The following PCLO variants were observed in gnomAD, a reference collection of about 807,000 sequenced individuals.
The protein encoded by PCLO is piccolo presynaptic cytomatrix protein.
Under a neutral mutation model 427.5 loss-of-function variants are expected in PCLO, and 82 were observed. That is an observed-to-expected ratio of 0.19 (90% confidence interval 0.16 to 0.23). PCLO has a LOEUF of 0.23. Ranked by LOEUF, PCLO falls within the 10% of genes least tolerant of loss-of-function variation. The pLI, the probability that PCLO is intolerant of heterozygous loss-of-function variation, is 1.00. For synonymous variants in PCLO, 2,357 were observed against 2,155.4 expected, an observed-to-expected ratio of 1.09 and a Z score of -2.59; for missense variants, 6,239 against 6,115.9, an observed-to-expected ratio of 1.02 and a Z score of -0.67.
At chr7:82,987,006 G>A (rs1425424509) in intron 3 of PCLO, among the ~76,000 whole-genome samples, 1 of 151,840 alleles carries the variant, frequency 6.6e-6, no homozygotes, top group Non-Finnish European at 1.5e-5. Flanking sequence ...ACCAAAACAG[G>A]TGAACTATTA....
chr7:83,043,912 C>CTTTTTTTTTTTTT lies in PCLO; in HGVS notation c.3301-77438_3301-77426dup, dbSNP rs869061778. 3.0e-3 allele frequency among the ~76,000 whole-genome samples: 289 copies of CTTTTTTTTTTTTT among 94,858 alleles called. 5 individuals carry two copies. The highest frequency in any genetic ancestry group is 0.01 in the East Asian group (24 of 2,352). The allele number at this position is 94,858 out of a possible 152,430, so 62.2% of individuals were successfully genotyped here. A position where few individuals can be genotyped will look rare whatever the true frequency, so the allele number is the denominator to read the frequency against. ...AACTCAATCTTATTACTATTATTTT[C>CTTTTTTTTTTTTT]TTTTTTTTTTTTTTTTTTTTTTTGC... On this transcript the variant is annotated intron_variant, in intron 3 of 24. Transcript: ENST00000333891.
rs1247858284 is a variant in PCLO at position 82,916,058 on chromosome 7, T to G, written c.11928A>C (p.Ser3976=). 1 of 1,613,310 alleles carries G rather than the reference T, an allele frequency of 6.2e-7. No homozygotes were observed. The highest frequency in any genetic ancestry group is 8.5e-7 in the Non-Finnish European group (1 of 1,179,736). The change falls in exon 7 of 25, where the codon TCA becomes TCC. Residue 3976 remains serine (S), a synonymous_variant. Transcript: ENST00000333891. ...GTTGGTTGCGAATCACTTCATAGTTTGAGGTTATCTTGGGCTCCAAATATA... is the reference window on the plus strand; with the variant it reads ...GTTGGTTGCGAATCACTTCATAGTTGGAGGTTATCTTGGGCTCCAAATATA... The part of the protein sequence containing the change: ...TTLYLEPKIT[S]NYEVIRNQPL...
intron 8 of PCLO, among the ~76,000 whole-genome samples, chr7:82,905,340 GAAGA>G (rs1401867443): frequency 6.6e-6 from 1 of 151,968 alleles, no homozygotes; most frequent in African/African-American, 2.4e-5. Context: ...TTCACACACG[GAAGA>G]CAGATAGCCT....
intron 3 of PCLO, among the ~76,000 whole-genome samples, chr7:82,988,397 T>C (rs1268831508): frequency 6.6e-6 from 1 of 152,136 alleles, no homozygotes; most frequent in Non-Finnish European, 1.5e-5. Context: ...TAATCAGATA[T>C]AAACTTATAA....
At chr7:83,065,498 T>TAAAAAAAA (rs780514400) in intron 3 of PCLO, among the ~76,000 whole-genome samples, 1 of 104,168 alleles carries the variant, frequency 9.6e-6, no homozygotes, top group Admixed American at 9.9e-5. Context: ...GCTCAAAATG[T>TAAAAAAAA]AAAAAAAAAA....
rs528261762 is a variant in PCLO at position 83,019,930 on chromosome 7, G to A, written c.3301-53443C>T. Among the ~76,000 whole-genome samples, 21 of 152,218 alleles carry A rather than the reference G, an allele frequency of 1.4e-4. No individual in the cohort carries two copies. The South Asian group carries it at 4.3e-3, about 32-fold the overall frequency. On this transcript the variant is annotated intron_variant, in intron 3 of 24. Coordinates refer to ENST00000333891, the MANE Select transcript of PCLO (RefSeq NM_033026.6). ...GAAGCACCTGAGTACAACTCTTCAA[G>A]CATTTCAAAGTCACTCTCTTAGTTA... is the stretch of plus-strand genomic sequence containing the variant.
At chr7:82,908,586 G>A (rs1794247317) in intron 8 of PCLO, among the ~76,000 whole-genome samples, 1 of 152,014 alleles carries the variant, frequency 6.6e-6, no homozygotes. Flanking sequence ...AGCTCTCAGA[G>A]CTCCATCTAT....
At chr7:83,139,520 A>G (rs968999359) in intron 2 of PCLO, among the ~76,000 whole-genome samples, 2 of 152,194 alleles carry the variant, frequency 1.3e-5, no homozygotes, top group African/African-American at 4.8e-5. Context: ...CCAAAATCAA[A>G]TGATTCACTG....
intron 3 of PCLO, 82 bp downstream of exon 3, chr7:83,134,168 T>C: frequency 2.5e-6 from 1 of 399,006 alleles, no homozygotes; most frequent in Non-Finnish European, 4.0e-6. Context: ...GCTCAGATAT[T>C]TGGCCACCCA....
rs1423934393 is a variant in PCLO, at chr7:82,894,545, A to AAC, written c.13528+8104_13528+8105dup. 2.0e-4 allele frequency: 31 copies of AAC among 152,162 alleles called. 1 individual carries two copies. The highest frequency in any genetic ancestry group is 7.2e-4 in the African/African-American group (30 of 41,436). 9.4% of individuals were successfully genotyped at this position (152,162 alleles called of 1,614,324 possible). A position where few individuals can be genotyped will look rare whatever the true frequency, so the allele number is the denominator to read the frequency against. On this transcript the variant is annotated intron_variant, in intron 9 of 24. Coordinates refer to ENST00000333891, the MANE Select transcript of PCLO (RefSeq NM_033026.6). ...CATGAGACTTATTCACTATCATGAG[A>AAC]ACAGCACGAGAAAAACTCGCCCCCA... is the stretch of plus-strand genomic sequence containing the variant.
At chr7:82,809,018 A>G (rs1422357138) in intron 20 of PCLO, among the ~76,000 whole-genome samples, 1 of 151,974 alleles carries the variant, frequency 6.6e-6, no homozygotes, top group Non-Finnish European at 1.5e-5. Context: ...TTTTCCAGAT[A>G]CTTGAAACAT....
At chr7:83,051,277 C>G (rs1361468489) in intron 3 of PCLO, among the ~76,000 whole-genome samples, 1 of 145,428 alleles carries the variant, frequency 6.9e-6, no homozygotes, top group Non-Finnish European at 1.5e-5. Context: ...TGATTGTTCA[C>G]AGATGACATG....
chr7:82,913,497 T>C (rs1259731914), intron 7 of PCLO, among the ~76,000 whole-genome samples: 1 of 151,898 alleles, frequency 6.6e-6, no homozygotes, highest in Admixed American at 6.6e-5. Context: ...TGATCAAAAA[T>C]ATTTTATTTC....
chr7:83,021,883 T>C (rs1788352691), intron 3 of PCLO, among the ~76,000 whole-genome samples: 1 of 152,142 alleles, frequency 6.6e-6, no homozygotes, highest in South Asian at 2.1e-4. Flanking sequence ...TGCTAAGGAA[T>C]TGTAGTGTGT....
In PCLO at chr7:82,757,499, A is replaced by C. The variant is rs1790343187; in HGVS notation, c.*1076T>G. On this transcript the variant is annotated 3_prime_UTR_variant, in exon 25 of 25. Coordinates refer to ENST00000333891, the MANE Select transcript of PCLO (RefSeq NM_033026.6). The stretch of plus-strand genomic sequence containing the variant: ...AATCAGTAAATGAATTAAGTCATTA[A>C]GGAAAAAAGCATAAAATATTATGAA... 6.6e-6 allele frequency: 1 copy of C among 152,010 alleles called. No individual in the cohort carries two copies. The highest frequency in any genetic ancestry group is 1.5e-5 in the Non-Finnish European group (1 of 67,942). 9.4% of individuals were successfully genotyped at this position (152,010 alleles called of 1,614,324 possible). A position where few individuals can be genotyped will look rare whatever the true frequency, so the allele number is the denominator to read the frequency against.
intron 22 of PCLO, among the ~76,000 whole-genome samples, chr7:82,764,267 A>G (rs986475345): frequency 2.0e-5 from 3 of 151,946 alleles, no homozygotes; most frequent in Admixed American, 6.6e-5. Context: ...TGTAAGAGGA[A>G]CAGGAGTTAG....
chr7:82,956,088 T>C lies in PCLO; in HGVS notation c.4865A>G (p.Asp1622Gly), dbSNP rs763938749. The C allele has an allele frequency of 6.2e-7, 1 of 1,611,492 alleles. No individual in the cohort carries two copies. Among genetic ancestry groups the C allele is most frequent in the Non-Finnish European group, 8.5e-7 (1 of 1,179,852 alleles). The change falls in exon 5 of 25, where the codon GAT becomes GGT. Residue 1622 changes from aspartate (D) to glycine (G), a missense_variant. Physicochemically the swap from Asp to Gly is moderately conservative, Grantham distance 94. Around this residue, in one of 5 missense-constraint regions of PCLO, gnomAD observed 4,677 missense variants for 4,468.4 expected, o/e 1.05. Transcript: ENST00000333891. ...TRKSSTSIDE[D>G]AGRRHSWHDE... The stretch of plus-strand genomic sequence containing the variant: ...ATGCCATGAGTGACGTCTTCCTGCA[T>C]CTTCATCAATGCTTGTGCTACTTTT...
chr7:83,088,649 C>T (rs868098065), intron 3 of PCLO, among the ~76,000 whole-genome samples: 4 of 152,110 alleles, frequency 2.6e-5, no homozygotes, highest in African/African-American at 4.8e-5. Context: ...ACATTGAATG[C>T]GGACCTCCTT....
intron 6 of PCLO, among the ~76,000 whole-genome samples, chr7:82,924,099 A>G (rs925150748): frequency 3.3e-5 from 5 of 152,120 alleles, no homozygotes; most frequent in African/African-American, 1.2e-4. Context: ...TTTATTGATG[A>G]TGAGAATCCT....
Sources: allele counts gnomAD v4.1 joint callset (sites outside exome capture counted in the v4.1 genomes callset), GRCh38; gene constraint gnomAD v4.1.1; regional missense constraint gnomAD v4.1.1; transcripts MANE v1.5; gene names NCBI Gene and HGNC (gene_info 2026-07-23, HGNC 2026-07-21).